Variants in RHOBTB2 observed in about 807,000 individuals in gnomAD.
RHOBTB2 encodes Rho related BTB domain containing 2, also known as rho-related BTB domain-containing protein 2.
RHOBTB2 carries 39 observed loss-of-function variants against 66.5 expected under a neutral mutation model. The ratio of observed to expected loss-of-function variants is 0.59; its 90% CI spans 0.45 to 0.77. RHOBTB2 has a LOEUF of 0.77. Ranked by LOEUF, RHOBTB2 falls within the 30% of genes least tolerant of loss-of-function variation. The pLI is 0.00. For synonymous variants in RHOBTB2, 390 were observed against 395.0 expected (o/e 0.99, Z 0.15); for missense variants, 755 against 999.1 (o/e 0.76, Z 3.29).
At chr8:22,955,770 A>G in the RHOBTB2 span, among the ~76,000 whole-genome samples, 1 of 151,966 alleles carries the variant, frequency 6.6e-6, no homozygotes, top group African/African-American at 2.4e-5. Context: ...CGGTCTCATT[A>G]TGTTGGCCAA....
At chr8:22,999,398 G>A (rs1309719972), upstream of RHOBTB2, among the ~76,000 whole-genome samples, 1 of 151,832 alleles carries the variant, frequency 6.6e-6, no homozygotes, top group Non-Finnish European at 1.5e-5. Flanking sequence ...CCTCCCCGCG[G>A]CGTCGCTGCG....
chr8:23,011,363 T>G (rs1314863899), intron 7 of RHOBTB2, among the ~76,000 whole-genome samples: 2 of 152,220 alleles, frequency 1.3e-5, no homozygotes, highest in Non-Finnish European at 2.9e-5. Flanking sequence ...TTCCCACATT[T>G]CTACCCTGTG....
rs960078812 is a variant in RHOBTB2 at position 23,006,220 on chromosome 8, A to G, written c.482+75A>G. On this transcript the variant is annotated intron_variant, in intron 4 of 9. Transcript: ENST00000251822. The surrounding 1 kb of genome is among the most constrained non-coding windows in gnomAD (Gnocchi z 6.1). ...TGGCTCCCTGCTCAGCCCTGGGGGA[A>G]TTCCACTGAGCCTCATATCTCTCCC... is the stretch of plus-strand genomic sequence containing the variant. 2 of 1,298,916 alleles carry G rather than the reference A, an allele frequency of 1.5e-6. No individual in the cohort carries two copies. The highest frequency in any genetic ancestry group is 1.1e-6 in the Non-Finnish European group (1 of 930,952). The allele number at this position is 1,298,916 out of a possible 1,614,324, so 80.5% of individuals were successfully genotyped here.
the RHOBTB2 span, among the ~76,000 whole-genome samples, chr8:22,953,437 G>C: frequency 2.0e-5 from 3 of 151,018 alleles, no homozygotes; most frequent in South Asian, 2.1e-4. Flanking sequence ...GGGTTGGGGT[G>C]GGAGGGACCC....
chr8:22,986,366 A>G (rs1292536336), upstream of RHOBTB2, among the ~76,000 whole-genome samples: 1 of 146,692 alleles, frequency 6.8e-6, no homozygotes, highest in Non-Finnish European at 1.5e-5. Flanking sequence ...TCCTGCGCTC[A>G]GATGATTCTC....
intron 2 of RHOBTB2, among the ~76,000 whole-genome samples, chr8:22,992,930 G>A (rs752282926): frequency 1.2e-4 from 18 of 152,224 alleles, no homozygotes; most frequent in African/African-American, 3.4e-4. Flanking sequence ...GGGACTAGGC[G>A]TAGCCTGGCC....
the RHOBTB2 span, among the ~76,000 whole-genome samples, chr8:22,963,005 A>T: frequency 6.6e-6 from 1 of 152,234 alleles, no homozygotes; most frequent in Non-Finnish European, 1.5e-5. Flanking sequence ...AGGTGGACAG[A>T]TTCGAAGGGT....
At chr8:22,965,095 G>C in the RHOBTB2 span, among the ~76,000 whole-genome samples, 1 of 152,250 alleles carries the variant, frequency 6.6e-6, no homozygotes, top group South Asian at 2.1e-4. Flanking sequence ...TGGATTACAA[G>C]TGTGAGCCAC....
chr8:22,960,876 T>C, the RHOBTB2 span, among the ~76,000 whole-genome samples: 5 of 152,276 alleles, frequency 3.3e-5, no homozygotes, highest in Non-Finnish European at 7.4e-5. Context: ...GGGCAGTTCA[T>C]TGGGAAGCCT....
intron 6 of RHOBTB2, 121 bp from the exon 7 acceptor site, chr8:23,010,417 G>A (rs1429659900): frequency 3.5e-6 from 4 of 1,131,326 alleles, no homozygotes; most frequent in Admixed American, 4.6e-5. Context: ...GCAGCACAGG[G>A]AAGGCTGCCC....
chr8:22,990,518 G>A (rs960286476), intron 1 of RHOBTB2, among the ~76,000 whole-genome samples: 10 of 152,186 alleles, frequency 6.6e-5, no homozygotes, highest in African/African-American at 9.6e-5. Context: ...GTGGCAGCGC[G>A]TCAGTCCACT....
chr8:22,996,508 TGTGTGTGTGTG>T (rs1810563762), upstream of RHOBTB2, among the ~76,000 whole-genome samples: 1 of 18,178 alleles, frequency 5.5e-5, no homozygotes, highest in Non-Finnish European at 1.2e-4. Flanking sequence ...TGTGTGTGTG[TGTGTGTGTGTG>T]TGTGTGTGTG....
At chr8:23,000,195 C>T in intron 1 of RHOBTB2, 90 bp downstream of exon 1, 1 of 896,478 alleles carries the variant, frequency 1.1e-6, no homozygotes. Context: ...CCGCGCCCCT[C>T]GCTACGTTCC....
chr8:23,005,270 T>C (rs1810912539), intron 2 of RHOBTB2, 102 bp from the exon 3 acceptor site: 1 of 774,674 alleles, frequency 1.3e-6, no homozygotes, highest in Non-Finnish European at 2.3e-6. Flanking sequence ...TGCCCAGTGA[T>C]GTCTGGGGCC....
intron 1 of RHOBTB2, among the ~76,000 whole-genome samples, chr8:23,002,366 G>C (rs1810809057): frequency 6.6e-6 from 1 of 152,224 alleles, no homozygotes; most frequent in South Asian, 2.1e-4. Flanking sequence ...AGAATTGGGA[G>C]GAGGAAGCCT....
At chr8:22,985,539 T>A (rs930838391), upstream of RHOBTB2, among the ~76,000 whole-genome samples, 4 of 152,208 alleles carry the variant, frequency 2.6e-5, no homozygotes, top group Non-Finnish European at 5.9e-5. Flanking sequence ...ATGATGGCAA[T>A]TAGGAGGCTT....
the RHOBTB2 span, among the ~76,000 whole-genome samples, chr8:22,951,244 C>CTTTTTTTT: frequency 1.9e-4 from 17 of 87,980 alleles, no homozygotes; most frequent in East Asian, 3.3e-4. Context: ...CTACTTAGCT[C>CTTTTTTTT]TTTTTTTTTT....
At chr8:22,956,528 T>C in the RHOBTB2 span, among the ~76,000 whole-genome samples, 3 of 152,132 alleles carry the variant, frequency 2.0e-5, no homozygotes, top group South Asian at 2.1e-4. Context: ...TCTGCCATGA[T>C]TGTAAGTCTC....
intron 6 of RHOBTB2, among the ~76,000 whole-genome samples, chr8:23,010,097 A>AT (rs1301881551): frequency 4.6e-5 from 7 of 152,098 alleles, no homozygotes; most frequent in Admixed American, 6.5e-5. Flanking sequence ...TCCTTCAAGC[A>AT]TCCCGCGAGC....
Sources: allele counts gnomAD v4.1 joint callset (sites outside exome capture counted in the v4.1 genomes callset), GRCh38; gene constraint gnomAD v4.1.1; non-coding constraint Gnocchi (gnomAD v3.1); transcripts MANE v1.5; gene names NCBI Gene and HGNC (gene_info 2026-07-23, HGNC 2026-07-21).